The following SORCS1 variants were observed in gnomAD, a reference collection of about 807,000 sequenced individuals.
SORCS1 encodes the protein sortilin related VPS10 domain containing receptor 1.
Under a neutral mutation model 146.1 loss-of-function variants are expected in SORCS1, and 60 were observed. The ratio of observed to expected loss-of-function variants is 0.41; its 90% CI spans 0.33 to 0.51. SORCS1 has a LOEUF of 0.51. Ranked by LOEUF, SORCS1 falls within the 20% of genes least tolerant of loss-of-function variation. SORCS1 has a pLI of 0.21. For synonymous variants in SORCS1, 637 were observed against 584.0 expected, an observed-to-expected ratio of 1.09 and a Z score of -1.31; for missense variants, 1,352 against 1,487.6, an observed-to-expected ratio of 0.91 and a Z score of 1.50.
At chr10:106,799,603 T>G (rs1006249385) in intron 3 of SORCS1, among the ~76,000 whole-genome samples, 1 of 152,096 alleles carries the variant, frequency 6.6e-6, no homozygotes, top group Admixed American at 6.5e-5. Context: ...AAAAAGACAT[T>G]TATGCAGCCA....
intron 23 of SORCS1, among the ~76,000 whole-genome samples, chr10:106,598,235 TATATTATTATTATTA>T (rs1270120156): frequency 3.3e-5 from 4 of 122,558 alleles, no homozygotes; most frequent in African/African-American, 1.1e-4. Flanking sequence ...ACACTCCTAT[TATATTATTATTATTA>T]TTATTATTAT....
intron 2 of SORCS1, among the ~76,000 whole-genome samples, chr10:106,846,178 T>C (rs1367325019): frequency 1.1e-4 from 3 of 26,872 alleles, no homozygotes; most frequent in Admixed American, 5.0e-4. Flanking sequence ...TTGGGCAGTA[T>C]GGCCATTTTC....
chr10:107,105,938 C>A (rs1409294511), intron 1 of SORCS1, among the ~76,000 whole-genome samples: 2 of 152,140 alleles, frequency 1.3e-5, no homozygotes, highest in East Asian at 1.9e-4. Flanking sequence ...TTCTTGATGG[C>A]TGAAGCACCA....
chr10:107,026,836 C>G (rs1308025875), intron 1 of SORCS1, among the ~76,000 whole-genome samples: 2 of 151,630 alleles, frequency 1.3e-5, no homozygotes, highest in Admixed American at 6.6e-5. Context: ...TGGGTATAAA[C>G]CAGTTAAAGA....
intron 2 of SORCS1, among the ~76,000 whole-genome samples, chr10:106,870,964 G>T (rs563613740): frequency 1.0e-3 from 152 of 152,192 alleles, no homozygotes; most frequent in African/African-American, 3.5e-3. Context: ...TCTGACAAAG[G>T]TCTAATATCC....
At chr10:107,101,998 A>G (rs916475538) in intron 1 of SORCS1, among the ~76,000 whole-genome samples, 1 of 152,076 alleles carries the variant, frequency 6.6e-6, no homozygotes. Flanking sequence ...GTTTATTTCT[A>G]TAGAACATTT....
intron 24 of SORCS1, among the ~76,000 whole-genome samples, chr10:106,590,286 T>C (rs989099350): frequency 1.3e-5 from 2 of 152,146 alleles, no homozygotes; most frequent in East Asian, 3.9e-4. Context: ...ATTCTCCTCA[T>C]TTAGAATTTA....
At chr10:107,048,653 T>G (rs2134033889) in intron 1 of SORCS1, among the ~76,000 whole-genome samples, 1 of 152,274 alleles carries the variant, frequency 6.6e-6, no homozygotes, top group South Asian at 2.1e-4. Context: ...ACCTTCAGAG[T>G]TGAGCTATCT....
chr10:107,048,584 T>C (rs72812905), intron 1 of SORCS1, among the ~76,000 whole-genome samples: 1 of 152,194 alleles, frequency 6.6e-6, no homozygotes, highest in African/African-American at 2.4e-5. Flanking sequence ...TAATAATATC[T>C]AATAAGTACT....
intron 9 of SORCS1, among the ~76,000 whole-genome samples, chr10:106,695,727 T>C (rs201404490): frequency 6.7e-6 from 1 of 150,112 alleles, no homozygotes; most frequent in Non-Finnish European, 1.5e-5. Flanking sequence ...GATAACAAAA[T>C]TCATTTCTAG....
intron 1 of SORCS1, among the ~76,000 whole-genome samples, chr10:107,057,804 C>T (rs1313653177): frequency 1.3e-5 from 2 of 152,110 alleles, no homozygotes; most frequent in Non-Finnish European, 2.9e-5. Flanking sequence ...GTCCACGGAC[C>T]TTGTGTTTTG....
At chr10:106,673,411 T>G (rs1041017414) in intron 14 of SORCS1, among the ~76,000 whole-genome samples, 8 of 152,160 alleles carry the variant, frequency 5.3e-5, no homozygotes, top group African/African-American at 1.9e-4. Flanking sequence ...ATTACAGGTG[T>G]GAGCCACCGC....
In SORCS1 at chr10:106,677,170, G is replaced by C. The variant is rs1470529633; in HGVS notation, c.1832+143C>G. On this transcript the variant is annotated intron_variant, in intron 13 of 25. Coordinates refer to ENST00000263054, the MANE Select transcript of SORCS1 (RefSeq NM_052918.5). ...AGTGGATTGGCTTTTTGTGTGGAGAGTAACAGGACCTGAACCAAACCTCGG... is the reference window on the plus strand; with the variant it reads ...AGTGGATTGGCTTTTTGTGTGGAGACTAACAGGACCTGAACCAAACCTCGG... 8.4e-6 allele frequency: 6 copies of C among 715,334 alleles called. No homozygotes were observed. The East Asian group carries it at 1.6e-4, about 19-fold the overall frequency. 44.3% of individuals were successfully genotyped at this position (715,334 alleles called of 1,614,324 possible).
chr10:106,679,788 G>A, intron 10 of SORCS1, 54 bp from the exon 11 acceptor site: 1 of 1,376,104 alleles, frequency 7.3e-7, no homozygotes, highest in East Asian at 2.4e-5. Flanking sequence ...ATGGTCATTT[G>A]AAGCTCAGAA....
chr10:106,626,212 G>A (rs1487640480), intron 19 of SORCS1, among the ~76,000 whole-genome samples: 1 of 152,190 alleles, frequency 6.6e-6, no homozygotes, highest in Non-Finnish European at 1.5e-5. Context: ...AGGAACTGGG[G>A]AGGGGCAGAG....
At chr10:106,962,238 A>T (rs1312148480) in intron 1 of SORCS1, among the ~76,000 whole-genome samples, 1 of 151,776 alleles carries the variant, frequency 6.6e-6, no homozygotes, top group Non-Finnish European at 1.5e-5. Flanking sequence ...CATCTCCATT[A>T]AAAATAGAAA....
At chr10:107,020,962 CT>C (rs914271679) in intron 1 of SORCS1, among the ~76,000 whole-genome samples, 6 of 150,918 alleles carry the variant, frequency 4.0e-5, no homozygotes, top group South Asian at 4.2e-4. Context: ...ACTTTCTCCA[CT>C]TTTTTTTTAA....
At chr10:106,804,391 A>AATAAAATAAAATAAACC (rs751588976) in intron 3 of SORCS1, among the ~76,000 whole-genome samples, 2 of 149,908 alleles carry the variant, frequency 1.3e-5, no homozygotes, top group African/African-American at 4.9e-5. Flanking sequence ...AATAAAATAA[A>AATAAAATAAAATAAACC]CCTAACAAAT....
chr10:106,595,977 G>C (rs1370594816), intron 24 of SORCS1, among the ~76,000 whole-genome samples: 2 of 152,130 alleles, frequency 1.3e-5, no homozygotes, highest in African/African-American at 4.8e-5. Context: ...CTATGTTTCA[G>C]ACACTATCCT....
Sources: gnomAD v4.1 joint callset for allele counts (sites outside exome capture counted in the v4.1 genomes callset) on GRCh38, gnomAD v4.1.1 for gene constraint, MANE v1.5 for transcripts, NCBI Gene and HGNC (gene_info 2026-07-23, HGNC 2026-07-21) for gene names.